The following EDN1 variants were observed in gnomAD, a reference collection of about 807,000 sequenced individuals.
EDN1 encodes the protein endothelin 1.
EDN1 carries 11 observed loss-of-function variants against 21.7 expected under a neutral mutation model. That is an observed-to-expected ratio of 0.51 (90% CI 0.32 to 0.84). The LOEUF is 0.84. Among genes scored for constraint, EDN1 ranks in the 40% least tolerant of loss-of-function variants. EDN1 has a pLI of 0.03. For synonymous variants in EDN1, 85 were observed against 90.6 expected (o/e 0.94, Z 0.35); for missense variants, 244 against 262.3 (o/e 0.93, Z 0.48).
intron 1 of EDN1, 90 bp downstream of exon 1, chr6:12,290,783 C>A: frequency 8.1e-7 from 1 of 1,227,578 alleles, no homozygotes; most frequent in South Asian, 1.2e-5. Context: ...TATTTTTCCC[C>A]GTTCTTTTTA....
At chr6:12,264,399 A>G in the EDN1 span, among the ~76,000 whole-genome samples, 1 of 152,244 alleles carries the variant, frequency 6.6e-6, no homozygotes, top group African/African-American at 2.4e-5. Context: ...TGAAGGACAG[A>G]ATAATCATTT....
the EDN1 span, among the ~76,000 whole-genome samples, chr6:12,266,259 T>C: frequency 8.2e-4 from 125 of 152,294 alleles, no homozygotes; most frequent in Non-Finnish European, 1.6e-3. Flanking sequence ...GATTGAGTCA[T>C]ACCTTTTAAG....
chr6:12,268,973 G>A, the EDN1 span, among the ~76,000 whole-genome samples: 13 of 152,084 alleles, frequency 8.5e-5, no homozygotes, highest in Admixed American at 3.9e-4. Flanking sequence ...ACATGAGACC[G>A]CTTTCCATTT....
the EDN1 span, among the ~76,000 whole-genome samples, chr6:12,236,525 G>A: frequency 6.6e-6 from 1 of 152,166 alleles, no homozygotes; most frequent in African/African-American, 2.4e-5. Flanking sequence ...TTCCCAAAGT[G>A]CAGGGATTAC....
the EDN1 span, among the ~76,000 whole-genome samples, chr6:12,244,099 T>C: frequency 6.6e-6 from 1 of 152,100 alleles, no homozygotes; most frequent in Non-Finnish European, 1.5e-5. Context: ...GTGGGTTACA[T>C]TTACTATATC....
At chr6:12,292,150 G>A (rs1663242607) in intron 1 of EDN1, among the ~76,000 whole-genome samples, 191 bp from the exon 2 acceptor site, 2 of 148,568 alleles carry the variant, frequency 1.3e-5, no homozygotes, top group South Asian at 4.2e-4. Context: ...GCATGAGGGG[G>A]AGGCAAAAGG....
At chr6:12,262,978 T>G in the EDN1 span, among the ~76,000 whole-genome samples, 62 of 152,266 alleles carry the variant, frequency 4.1e-4, no homozygotes, top group African/African-American at 1.4e-3. Context: ...GTGGGTGGTG[T>G]TGTGGAAGCT....
At chr6:12,266,644 G>T in the EDN1 span, among the ~76,000 whole-genome samples, 1 of 152,170 alleles carries the variant, frequency 6.6e-6, no homozygotes, top group African/African-American at 2.4e-5. Flanking sequence ...AAGGGAAGGG[G>T]GTCAGAGGAG....
the EDN1 span, among the ~76,000 whole-genome samples, chr6:12,254,141 T>C: frequency 1.3e-5 from 2 of 152,162 alleles, no homozygotes; most frequent in African/African-American, 2.4e-5. Flanking sequence ...AACTCCTTAA[T>C]GTCACCCTCT....
chr6:12,263,847 G>A, the EDN1 span, among the ~76,000 whole-genome samples: 1 of 152,084 alleles, frequency 6.6e-6, no homozygotes, highest in Non-Finnish European at 1.5e-5. Context: ...CCTGGAAACT[G>A]TCTTTGTCAA....
At chr6:12,243,077 G>C in the EDN1 span, among the ~76,000 whole-genome samples, 1 of 152,080 alleles carries the variant, frequency 6.6e-6, no homozygotes, top group East Asian at 1.9e-4. Flanking sequence ...ACCCGCTGTT[G>C]ACCAGAAACC....
chr6:12,273,400 G>A, the EDN1 span, among the ~76,000 whole-genome samples: 1 of 152,126 alleles, frequency 6.6e-6, no homozygotes, highest in African/African-American at 2.4e-5. Context: ...GAGATGCACA[G>A]TGTCTCTCTC....
chr6:12,280,817 TGG>T, the EDN1 span, among the ~76,000 whole-genome samples: 1 of 152,084 alleles, frequency 6.6e-6, no homozygotes, highest in South Asian at 2.1e-4. Context: ...CACTTGAATC[TGG>T]GAGGCAGAGG....
chr6:12,263,305 A>G, the EDN1 span, among the ~76,000 whole-genome samples: 1 of 152,232 alleles, frequency 6.6e-6, no homozygotes, highest in Non-Finnish European at 1.5e-5. Context: ...TTGGGTAAAT[A>G]TAGGGAACAC....
the EDN1 span, among the ~76,000 whole-genome samples, chr6:12,256,715 G>A: frequency 1.3e-5 from 2 of 152,228 alleles, no homozygotes; most frequent in Non-Finnish European, 2.9e-5. Context: ...ACCATCCAAG[G>A]TTTATAAAAA....
chr6:12,291,462 A>C (rs1762681326), intron 1 of EDN1, among the ~76,000 whole-genome samples: 1 of 152,132 alleles, frequency 6.6e-6, no homozygotes, highest in Non-Finnish European at 1.5e-5. Context: ...GGGTCAGTGC[A>C]CTTTTTTTGT....
upstream of EDN1, among the ~76,000 whole-genome samples, chr6:12,289,123 T>C (rs1030967655): frequency 6.6e-6 from 1 of 152,236 alleles, no homozygotes; most frequent in African/African-American, 2.4e-5. Flanking sequence ...GTAACTGCCC[T>C]GTGTGTACTT....
At chr6:12,277,610 G>A in the EDN1 span, among the ~76,000 whole-genome samples, 1 of 152,214 alleles carries the variant, frequency 6.6e-6, no homozygotes, top group Non-Finnish European at 1.5e-5. Context: ...GATGAGGAAA[G>A]GGCCAAGGGC....
the EDN1 span, among the ~76,000 whole-genome samples, chr6:12,259,062 AT>A: frequency 6.6e-6 from 1 of 152,222 alleles, no homozygotes; most frequent in Non-Finnish European, 1.5e-5. Flanking sequence ...CATTTATTTT[AT>A]GTTGACAATA....
Sources: allele counts gnomAD v4.1 joint callset (sites outside exome capture counted in the v4.1 genomes callset), GRCh38; gene constraint gnomAD v4.1.1; transcripts MANE v1.5; gene names NCBI Gene and HGNC (gene_info 2026-07-23, HGNC 2026-07-21).